WDR45B: variants seen among roughly 807,000 people sequenced by gnomAD.
WDR45B encodes the protein WD repeat domain 45B.
In WDR45B, 20 loss-of-function variants were observed where a neutral mutation model predicts 44.6. The ratio of observed to expected loss-of-function variants is 0.45; its 90% CI spans 0.32 to 0.65. The LOEUF (loss-of-function observed/expected upper bound fraction) is 0.65. Ranked by LOEUF, WDR45B falls within the 30% of genes least tolerant of loss-of-function variation. The probability of loss-of-function intolerance (pLI) is 0.05; values close to 1 mark genes in which losing one functional copy is unlikely to be tolerated. For missense variants in WDR45B, 323 were observed against 430.2 expected (o/e 0.75, Z 2.20); for synonymous variants, 169 against 164.9 (o/e 1.02, Z -0.19).
chr17:82,626,602 G>A (rs921248760), intron 4 of WDR45B, among the ~76,000 whole-genome samples: 4 of 148,024 alleles, frequency 2.7e-5, no homozygotes, highest in Non-Finnish European at 5.9e-5. Flanking sequence ...CAACTTGCTC[G>A]GCTGCTGTCC....
intron 3 of WDR45B, among the ~76,000 whole-genome samples, chr17:82,628,477 G>T (rs990978851): frequency 3.9e-5 from 6 of 152,114 alleles, no homozygotes; most frequent in Non-Finnish European, 8.8e-5. Context: ...GGTGGCTCAC[G>T]CCTGTAATCC....
intron 2 of WDR45B, among the ~76,000 whole-genome samples, chr17:82,632,973 G>C (rs551433803): frequency 6.6e-6 from 1 of 152,038 alleles, no homozygotes; most frequent in South Asian, 2.1e-4. Flanking sequence ...GTTCGACCTG[G>C]CCAACATAGT....
rs1354924640 is a variant in WDR45B at position 82,627,422 on chromosome 17, GAC to G, written c.245-133_245-132del. The G allele has an allele frequency of 6.5e-6, 5 of 774,976 alleles. No homozygotes were observed. The Admixed American group carries it at 9.9e-5, about 15-fold the overall frequency. The allele number at this position is 774,976 out of a possible 1,614,324, so 48.0% of individuals were successfully genotyped here. On this transcript the variant is annotated intron_variant, in intron 3 of 9. Coordinates refer to ENST00000392325, the MANE Select transcript of WDR45B (RefSeq NM_019613.4). The stretch of plus-strand genomic sequence containing the variant: ...CAGCTGCGCCCACCCTCAGGCCTCA[GAC>G]ACACACCCGCACCTGGGAGGCCTTG...
chr17:82,645,884 C>T (rs2045969518), intron 1 of WDR45B, among the ~76,000 whole-genome samples: 1 of 151,996 alleles, frequency 6.6e-6, no homozygotes, highest in Admixed American at 6.6e-5. Context: ...GCATTTTGGG[C>T]AGCCGAGGTG....
At position 82,627,256 on chromosome 17, in the gene WDR45B, T is replaced by A. The variant is rs967834959; in HGVS notation, c.280A>T (p.Ile94Phe). The A allele has an allele frequency of 6.2e-7, 1 of 1,613,732 alleles. No individual in the cohort carries two copies. Among genetic ancestry groups the A allele is most frequent in the South Asian group, 1.1e-5 (1 of 91,082 alleles). Residue 94 changes from isoleucine to phenylalanine, a missense_variant, in exon 4 of 10, where the codon ATT (isoleucine) becomes TTT (phenylalanine). By Grantham distance (21) the Ile-to-Phe change is conservative. Transcript: ENST00000392325. The part of the protein sequence containing the change: ...IWDDLKKKTV[I>F]EIEFSTEVKA... ...ACTTCTGTAGAAAATTCTATTTCAA[T>A]AACAGTCTTCTTCTTCAGGTCATCC...
At chr17:82,624,334 T>C (rs1381068010) in intron 5 of WDR45B, among the ~76,000 whole-genome samples, 1 of 152,178 alleles carries the variant, frequency 6.6e-6, no homozygotes, top group Non-Finnish European at 1.5e-5. Context: ...CAATCTCGGC[T>C]CACCGCAAGC....
At chr17:82,640,353 CTTTTTTTT>C (rs1185316610) in intron 2 of WDR45B, among the ~76,000 whole-genome samples, 1 of 140,228 alleles carries the variant, frequency 7.1e-6, no homozygotes, top group Non-Finnish European at 1.6e-5. Flanking sequence ...GGATTTTTTT[CTTTTTTTT>C]TTTTTTTTAA....
chr17:82,638,882 G>A (rs538138985), intron 2 of WDR45B, among the ~76,000 whole-genome samples: 4 of 151,950 alleles, frequency 2.6e-5, no homozygotes, highest in Non-Finnish European at 5.9e-5. Context: ...GAGTGCAGTG[G>A]CACGATCTCG....
Position 82,644,113 on chromosome 17 carries a change from C to T in WDR45B, c.68-90G>A. The T allele has an allele frequency of 2.5e-6, 3 of 1,203,914 alleles. No homozygotes were observed. The South Asian group carries it at 3.8e-5, about 15-fold the overall frequency. 74.6% of individuals were successfully genotyped at this position (1,203,914 alleles called of 1,614,324 possible). On this transcript the variant is annotated intron_variant, in intron 1 of 9. Coordinates refer to ENST00000392325, the MANE Select transcript of WDR45B (RefSeq NM_019613.4). ...GGAGAAATGACAACTACTGAGAACT[C>T]TTGCAGATGCTCAAACCACACAGAC...
intron 3 of WDR45B, among the ~76,000 whole-genome samples, chr17:82,630,453 A>T (rs2143314638): frequency 6.6e-6 from 1 of 152,194 alleles, no homozygotes; most frequent in African/African-American, 2.4e-5. Context: ...CCCTCTACTT[A>T]AAAGGGCCAG....
intron 4 of WDR45B, among the ~76,000 whole-genome samples, chr17:82,626,551 A>C (rs1436088184): frequency 7.6e-6 from 1 of 132,278 alleles, no homozygotes; most frequent in Non-Finnish European, 1.7e-5. Context: ...AAAAAAAAAA[A>C]AAAAAAAGGG....
At chr17:82,632,108 A>T (rs2045775906) in intron 2 of WDR45B, among the ~76,000 whole-genome samples, 1 of 152,002 alleles carries the variant, frequency 6.6e-6, no homozygotes, top group South Asian at 2.1e-4. Flanking sequence ...CAAAAATAAA[A>T]ACAAACCAAA....
intron 8 of WDR45B, 117 bp from the exon 9 acceptor site, chr17:82,616,762 T>G: frequency 7.3e-7 from 1 of 1,377,382 alleles, no homozygotes; most frequent in Non-Finnish European, 1.0e-6. Flanking sequence ...GTTTGAGCTT[T>G]AATGAATTTT....
intron 3 of WDR45B, among the ~76,000 whole-genome samples, chr17:82,628,857 G>A (rs914375663): frequency 1.3e-5 from 2 of 152,152 alleles, no homozygotes; most frequent in South Asian, 2.1e-4. Context: ...AAAGGTAGCC[G>A]GGTGTGGTGG....
In WDR45B at chr17:82,625,403, C is replaced by CA; in HGVS notation, c.412dup (p.Cys138LeufsTer3). 1 of 1,614,142 alleles carries CA rather than the reference C, an allele frequency of 6.2e-7. No homozygotes were observed. Among genetic ancestry groups the CA allele is most frequent in the Non-Finnish European group, 8.5e-7 (1 of 1,180,014 alleles). ...CAATCTCTCACCTTTGGGGTTATAGCAGGTTTCGAAGACGTGCAACTGATG... is the reference window on the plus strand; with the variant it reads ...CAATCTCTCACCTTTGGGGTTATAGCAAGGTTTCGAAGACGTGCAACTGATG... On this transcript the variant is annotated frameshift_variant, in exon 5 of 10. Transcript: ENST00000392325. LOFTEE classifies it high-confidence loss of function.
At chr17:82,618,634 G>A (rs1361035207) in intron 7 of WDR45B, among the ~76,000 whole-genome samples, 1 of 152,288 alleles carries the variant, frequency 6.6e-6, no homozygotes, top group South Asian at 2.1e-4. Context: ...CTGCTCAGGA[G>A]GCTGAGGCAG....
chr17:82,642,452 C>G (rs1372025945), intron 2 of WDR45B, among the ~76,000 whole-genome samples: 1 of 152,230 alleles, frequency 6.6e-6, no homozygotes, highest in African/African-American at 2.4e-5. Context: ...GCCGAAAAGG[C>G]TGCAGACCGC....
In WDR45B at chr17:82,625,645, G is replaced by C. The variant is rs542571925; in HGVS notation, c.333-162C>G. ...TCTGGAGGCAGGTAGCCAGCGCCAG[G>C]CCTGGAGCTCGGCGAGTGCACGTGG... On this transcript the variant is annotated intron_variant, in intron 4 of 9. Coordinates refer to ENST00000392325, the MANE Select transcript of WDR45B (RefSeq NM_019613.4). 37 of 731,864 alleles carry C rather than the reference G, an allele frequency of 5.1e-5. 1 individual carries two copies. The Admixed American group carries it at 6.8e-4, about 14-fold the overall frequency. The allele number at this position is 731,864 out of a possible 1,614,324, so 45.3% of individuals were successfully genotyped here.
intron 3 of WDR45B, 78 bp downstream of exon 3, chr17:82,630,843 G>A: frequency 7.3e-7 from 1 of 1,361,294 alleles, no homozygotes; most frequent in Non-Finnish European, 1.0e-6. Context: ...ATCACACATG[G>A]CCACAAACAT....
Sources: gnomAD v4.1 joint callset for allele counts (sites outside exome capture counted in the v4.1 genomes callset) on GRCh38, gnomAD v4.1.1 for gene constraint, MANE v1.5 for transcripts, NCBI Gene and HGNC (gene_info 2026-07-23, HGNC 2026-07-21) for gene names.